KCNH1: variants seen among roughly 807,000 people sequenced by gnomAD.
KCNH1 encodes the protein voltage-gated delayed rectifier potassium channel KCNH1.
In KCNH1, 27 loss-of-function variants were observed where a neutral mutation model predicts 69.2. That is an observed-to-expected ratio of 0.39 (90% confidence interval 0.29 to 0.54). The LOEUF is 0.54. KCNH1 is among the 20% of genes least tolerant of loss of function. The probability of loss-of-function intolerance (pLI) is 0.68; values close to 1 mark genes in which losing one functional copy is unlikely to be tolerated. For synonymous variants in KCNH1, 456 were observed against 487.7 expected, an observed-to-expected ratio of 0.93 and a Z score of 0.86; for missense variants, 798 against 1,261.6, an observed-to-expected ratio of 0.63 and a Z score of 5.57.
chr1:210,810,851 T>C (rs955373387), intron 7 of KCNH1, among the ~76,000 whole-genome samples: 1 of 152,192 alleles, frequency 6.6e-6, no homozygotes, highest in Non-Finnish European at 1.5e-5. Flanking sequence ...AATCCTTAGA[T>C]ATCCACTCGT....
intron 7 of KCNH1, among the ~76,000 whole-genome samples, chr1:210,813,018 T>A (rs572394355): frequency 6.6e-6 from 1 of 152,314 alleles, no homozygotes; most frequent in Non-Finnish European, 1.5e-5. Flanking sequence ...GAGAAATGTC[T>A]GCTTGCTTCC....
intron 5 of KCNH1, among the ~76,000 whole-genome samples, chr1:211,043,309 C>A (rs1690034843): frequency 6.6e-6 from 1 of 152,092 alleles, no homozygotes; most frequent in African/African-American, 2.4e-5. Flanking sequence ...AAAGATCATT[C>A]AAGACTACTA....
chr1:210,795,960 AAAACACACACACACAC>A (rs775410177), intron 9 of KCNH1, among the ~76,000 whole-genome samples: 11 of 68,524 alleles, frequency 1.6e-4, no homozygotes, highest in East Asian at 7.4e-4. Context: ...ATCTCTACTA[AAAACACACACACACAC>A]ACACACACAC....
chr1:210,876,432 T>C (rs981101873), intron 7 of KCNH1, among the ~76,000 whole-genome samples: 1 of 152,120 alleles, frequency 6.6e-6, no homozygotes, highest in African/African-American at 2.4e-5. Flanking sequence ...ATTTGCTTGT[T>C]TAACAGTAGG....
chr1:210,722,709 A>T (rs1258070967), intron 10 of KCNH1, among the ~76,000 whole-genome samples: 3 of 152,220 alleles, frequency 2.0e-5, no homozygotes, highest in Admixed American at 6.5e-5. Flanking sequence ...GGCACAGTGT[A>T]TGGTCTCCAT....
chr1:210,782,459 C>A (rs1466756556), intron 9 of KCNH1, among the ~76,000 whole-genome samples: 3 of 152,164 alleles, frequency 2.0e-5, no homozygotes, highest in African/African-American at 7.2e-5. Flanking sequence ...GGCACAGTAG[C>A]TCACACCTGT....
chr1:210,892,675 C>A (rs1051699932), intron 7 of KCNH1, among the ~76,000 whole-genome samples: 1 of 152,050 alleles, frequency 6.6e-6, no homozygotes. Flanking sequence ...AAATGGACCC[C>A]AAAAAACTAA....
At chr1:210,926,857 T>G (rs1399375703) in intron 6 of KCNH1, among the ~76,000 whole-genome samples, 1 of 151,930 alleles carries the variant, frequency 6.6e-6, no homozygotes, top group Non-Finnish European at 1.5e-5. Flanking sequence ...GTGAAATAGA[T>G]AGCATAAATT....
chr1:210,884,486 T>C (rs1686561940), intron 7 of KCNH1, among the ~76,000 whole-genome samples: 1 of 152,328 alleles, frequency 6.6e-6, no homozygotes, highest in South Asian at 2.1e-4. Flanking sequence ...AGAGCTTAAA[T>C]GTCTTTACCC....
intron 7 of KCNH1, among the ~76,000 whole-genome samples, chr1:210,869,636 G>T (rs1395280458): frequency 2.0e-5 from 3 of 151,752 alleles, no homozygotes; most frequent in African/African-American, 4.8e-5. Flanking sequence ...TGCTCTTACT[G>T]GCAGTTAACT....
chr1:210,841,281 T>C (rs1685404656), intron 7 of KCNH1, among the ~76,000 whole-genome samples: 1 of 152,178 alleles, frequency 6.6e-6, no homozygotes, highest in African/African-American at 2.4e-5. Context: ...CAATATCCTA[T>C]TAATACCATA....
At chr1:210,694,526 G>C (rs1373638391) in intron 10 of KCNH1, among the ~76,000 whole-genome samples, 2 of 152,192 alleles carry the variant, frequency 1.3e-5, no homozygotes, top group Non-Finnish European at 2.9e-5. Context: ...GTGGGGAGCA[G>C]AGCCACAGCC....
chr1:211,089,310 A>G (rs1691011324), intron 4 of KCNH1, among the ~76,000 whole-genome samples: 1 of 152,232 alleles, frequency 6.6e-6, no homozygotes. Context: ...ATTAGAAACT[A>G]GAAATCTGGC....
chr1:210,851,671 T>C (rs550300952), intron 7 of KCNH1, among the ~76,000 whole-genome samples: 35 of 152,212 alleles, frequency 2.3e-4, no homozygotes, highest in Non-Finnish European at 3.8e-4. Flanking sequence ...ATACCTACTA[T>C]AATCTCAGGC....
At chr1:210,791,532 T>C (rs890549576) in intron 9 of KCNH1, among the ~76,000 whole-genome samples, 1 of 152,242 alleles carries the variant, frequency 6.6e-6, no homozygotes, top group Non-Finnish European at 1.5e-5. Context: ...CTAATACCTC[T>C]GGAGGCCCGT....
chr1:210,745,272 A>G (rs9429847), intron 10 of KCNH1, among the ~76,000 whole-genome samples: 127,192 of 151,830 alleles, frequency 0.84, 53,345 homozygotes, highest in East Asian at 0.88. Flanking sequence ...AAGCCAATGT[A>G]GGGACTAACC....
At chr1:210,761,927 A>G (rs1334462035) in intron 10 of KCNH1, among the ~76,000 whole-genome samples, 1 of 152,172 alleles carries the variant, frequency 6.6e-6, no homozygotes, top group African/African-American at 2.4e-5. Context: ...ACTCTACCCA[A>G]CAACCACACA....
intron 5 of KCNH1, among the ~76,000 whole-genome samples, chr1:211,038,521 G>A (rs999489119): frequency 8.5e-5 from 13 of 152,216 alleles, no homozygotes; most frequent in African/African-American, 2.9e-4. Flanking sequence ...GGGCTCAGAA[G>A]AAGACAGGAA....
At chr1:210,742,117 A>G (rs1425562453) in intron 10 of KCNH1, among the ~76,000 whole-genome samples, 2 of 152,230 alleles carry the variant, frequency 1.3e-5, no homozygotes, top group Non-Finnish European at 2.9e-5. Flanking sequence ...AGAACTAGCA[A>G]GTTGAGTCAC....
Sources: allele counts gnomAD v4.1 joint callset (sites outside exome capture counted in the v4.1 genomes callset), GRCh38; gene constraint gnomAD v4.1.1; transcripts MANE v1.5; gene names NCBI Gene and HGNC (gene_info 2026-07-23, HGNC 2026-07-21).